FANCM: variants seen among roughly 807,000 people sequenced by gnomAD.
FANCM encodes the protein FA complementation group M.
Under a neutral mutation model 199.5 loss-of-function variants are expected in FANCM, and 140 were observed. That is an observed-to-expected ratio of 0.70 (90% confidence interval 0.61 to 0.81). The LOEUF is 0.81. Ranked by LOEUF, FANCM falls within the 30% of genes least tolerant of loss-of-function variation. FANCM has a pLI of 0.00. For synonymous variants in FANCM, 840 were observed against 836.8 expected (o/e 1.00, Z -0.07); for missense variants, 2,410 against 2,421.4 (o/e 1.00, Z 0.10).
intron 18 of FANCM, among the ~76,000 whole-genome samples, chr14:45,186,665 A>G (rs1179419242): frequency 1.3e-5 from 2 of 152,226 alleles, no homozygotes; most frequent in South Asian, 2.1e-4. Flanking sequence ...ATGTTCATTA[A>G]CAGAAGTGTT....
intron 14 of FANCM, among the ~76,000 whole-genome samples, chr14:45,179,345 G>C (rs1888915224): frequency 6.6e-6 from 1 of 152,010 alleles, no homozygotes; most frequent in Non-Finnish European, 1.5e-5. Flanking sequence ...TTTCCTGGCT[G>C]TTCTCTGGGT....
At chr14:45,169,591 G>C (rs536385974) in intron 11 of FANCM, among the ~76,000 whole-genome samples, 174 of 151,696 alleles carry the variant, frequency 1.1e-3, no homozygotes, top group African/African-American at 4.1e-3. Flanking sequence ...TTTAGACTTG[G>C]GGTCAAGCTG....
intron 14 of FANCM, among the ~76,000 whole-genome samples, chr14:45,178,979 A>AC (rs1192383807): frequency 6.6e-6 from 1 of 152,080 alleles, no homozygotes; most frequent in African/African-American, 2.4e-5. Context: ...CGGGTGGATC[A>AC]CCTGAGGTCA....
At chr14:45,161,044 C>T (rs1276771076) in intron 9 of FANCM, among the ~76,000 whole-genome samples, 3 of 152,002 alleles carry the variant, frequency 2.0e-5, no homozygotes, top group African/African-American at 7.2e-5. Flanking sequence ...TGGATTTTTG[C>T]TGTGGAGGTC....
chr14:45,156,636 T>C (rs1013733267), intron 8 of FANCM, among the ~76,000 whole-genome samples: 4 of 151,952 alleles, frequency 2.6e-5, no homozygotes, highest in Admixed American at 1.3e-4. Context: ...AAAAAGGGAA[T>C]TGGCCAGGTG....
In FANCM at chr14:45,198,677, G is replaced by C; in HGVS notation, c.5750G>C (p.Ser1917Thr). The C allele has an allele frequency of 6.2e-7, 1 of 1,613,470 alleles. No homozygotes were observed. Among genetic ancestry groups the C allele is most frequent in the South Asian group, 1.1e-5 (1 of 91,058 alleles). ...DTSRMFRRTK[S>T]YDSLLTTLIG... ...TCAAGGATGTTTAGGAGAACAAAGA[G>C]CTATGACAGCCTGCTGACTACCTTA... The change falls in exon 22 of 23, where the codon AGC becomes ACC. Residue 1917 changes from serine to threonine, a missense_variant. Physicochemically the swap from Ser to Thr is moderately conservative, Grantham distance 58. Coordinates refer to ENST00000267430, the MANE Select transcript of FANCM (RefSeq NM_020937.4).
intron 17 of FANCM, among the ~76,000 whole-genome samples, chr14:45,185,013 C>T (rs1378086258): frequency 6.6e-6 from 1 of 151,766 alleles, no homozygotes; most frequent in East Asian, 1.9e-4. Flanking sequence ...AACTCCTGAC[C>T]TCAGGTGATC....
intron 10 of FANCM, among the ~76,000 whole-genome samples, chr14:45,165,005 G>C (rs1887863431): frequency 6.6e-6 from 1 of 152,120 alleles, no homozygotes; most frequent in Non-Finnish European, 1.5e-5. Context: ...TATGAAGCCT[G>C]AAAAACCCAA....
intron 21 of FANCM, 67 bp downstream of exon 21, chr14:45,196,614 CTTCTA>C (rs1274591338): frequency 1.3e-5 from 19 of 1,476,602 alleles, no homozygotes; most frequent in Non-Finnish European, 1.2e-5. Flanking sequence ...TTAGTTTATT[CTTCTA>C]TTATTAGGAT....
intron 3 of FANCM, among the ~76,000 whole-genome samples, chr14:45,141,957 A>G (rs989605721): frequency 3.3e-5 from 5 of 152,040 alleles, no homozygotes; most frequent in Admixed American, 3.3e-4. Context: ...CCTGTTAAAA[A>G]TACAGGATAT....
Position 45,197,940 on chromosome 14 carries a change from T to A in FANCM, c.5717-704T>A, listed in dbSNP as rs192765562. Among the ~76,000 whole-genome samples the A allele has an allele frequency of 6.2e-3, 941 of 152,018 alleles. 2 individuals carry two copies. Among genetic ancestry groups the A allele is most frequent in the Middle Eastern group, 0.017 (5 of 294 alleles). On this transcript the variant is annotated intron_variant, in intron 21 of 22. Coordinates refer to ENST00000267430, the MANE Select transcript of FANCM (RefSeq NM_020937.4). The stretch of plus-strand genomic sequence containing the variant: ...CACCATGCTCAGCTAATTTTTTTTT[T>A]ATATTTTTTGTAGAGACGAGGTTTC...
chr14:45,153,355 A>G (rs7148613), intron 5 of FANCM, among the ~76,000 whole-genome samples: 33,630 of 152,182 alleles, frequency 0.22, 5,354 homozygotes, highest in African/African-American at 0.45. Context: ...GAATTGTGCA[A>G]GTAATGTGCT....
intron 14 of FANCM, among the ~76,000 whole-genome samples, chr14:45,177,822 A>G (rs1487711640): frequency 6.6e-6 from 1 of 152,228 alleles, no homozygotes; most frequent in Non-Finnish European, 1.5e-5. Flanking sequence ...GAAGGAAAGT[A>G]TGATTTTGGG....
intron 14 of FANCM, 129 bp downstream of exon 14, chr14:45,177,105 G>T: frequency 1.6e-6 from 1 of 633,338 alleles, no homozygotes; most frequent in Non-Finnish European, 2.8e-6. Flanking sequence ...GATAATTGAT[G>T]TGTTATATTT....
At chr14:45,170,113 C>T (rs1022340472) in intron 11 of FANCM, among the ~76,000 whole-genome samples, 7 of 152,150 alleles carry the variant, frequency 4.6e-5, no homozygotes, top group Admixed American at 3.9e-4. Context: ...CCAAAAGAAG[C>T]CAGGACTGAG....
chr14:45,137,034 A>G (rs1397109049), intron 1 of FANCM, 35 bp from the exon 2 acceptor site: 6 of 1,502,542 alleles, frequency 4.0e-6, no homozygotes, highest in Non-Finnish European at 4.6e-6. Context: ...TAACAGTCTG[A>G]AGTTTAGAAT....
rs1888443431 is a variant in FANCM, at chr14:45,173,091, C to G, written c.2197C>G (p.Leu733Val). ...AACCACTGGAATTCATCAACTCTCT[C>G]TCTCTGAATGGAGACTGTGGCAAGA... ...ESTTGIHQLS[L>V]SEWRLWQDHP... Residue 733 changes from leucine (L) to valine (V), a missense_variant, in exon 13 of 23, where the codon CTC (leucine) becomes GTC (valine). Leu to Val is a conservative substitution (Grantham distance 32). Transcript: ENST00000267430. The G allele has an allele frequency of 1.2e-6, 2 of 1,611,640 alleles. No homozygotes were observed. Among genetic ancestry groups the G allele is most frequent in the East Asian group, 2.2e-5 (1 of 44,826 alleles).
chr14:45,158,616 C>A (rs1887363523), intron 8 of FANCM, among the ~76,000 whole-genome samples: 1 of 152,082 alleles, frequency 6.6e-6, no homozygotes, highest in South Asian at 2.1e-4. Context: ...TTAGGGGGAG[C>A]TGCATAGTTC....
At position 45,196,626 on chromosome 14, in the gene FANCM, G is replaced by C. The variant is rs1427259144; in HGVS notation, c.5716+79G>C. ...AACTTAGTTTATTCTTCTATTATTA[G>C]GATGTGGGAAACTCTTAAAATATAA... is the stretch of plus-strand genomic sequence containing the variant. On this transcript the variant is annotated intron_variant, in intron 21 of 22. Coordinates refer to ENST00000267430, the MANE Select transcript of FANCM (RefSeq NM_020937.4). 4 of 1,399,054 alleles carry C rather than the reference G, an allele frequency of 2.9e-6. No homozygotes were observed. In the African/African-American group the frequency reaches 5.7e-5, roughly 20 times the overall value. The allele number at this position is 1,399,054 out of a possible 1,614,324, so 86.7% of individuals were successfully genotyped here.
Sources: allele counts gnomAD v4.1 joint callset (sites outside exome capture counted in the v4.1 genomes callset), GRCh38; gene constraint gnomAD v4.1.1; transcripts MANE v1.5; gene names NCBI Gene and HGNC (gene_info 2026-07-23, HGNC 2026-07-21).